Variants in CTNND2 observed in about 807,000 individuals in gnomAD.
CTNND2 encodes catenin delta-2.
Under a neutral mutation model 144.4 loss-of-function variants are expected in CTNND2, and 22 were observed. The observed-to-expected ratio is 0.15, with a 90% confidence interval of 0.11 to 0.22. The LOEUF (loss-of-function observed/expected upper bound fraction) is 0.22. CTNND2 is among the 10% of genes least tolerant of loss of function. The pLI is 1.00. For missense variants in CTNND2, 1,353 were observed against 1,618.8 expected (o/e 0.84, Z 2.82); for synonymous variants, 751 against 695.6 (o/e 1.08, Z -1.25).
intron 1 of CTNND2, among the ~76,000 whole-genome samples, chr5:11,751,535 C>A (rs956965109): frequency 1.3e-5 from 2 of 151,820 alleles, no homozygotes; most frequent in Non-Finnish European, 2.9e-5. Context: ...GCCTCCAGCT[C>A]CATTCATGTT....
intron 3 of CTNND2, among the ~76,000 whole-genome samples, chr5:11,484,304 T>A (rs1052544444): frequency 6.6e-6 from 1 of 152,162 alleles, no homozygotes; most frequent in Admixed American, 6.5e-5. Flanking sequence ...TACGCATAGT[T>A]GAATTTGGCT....
At chr5:11,576,577 G>T (rs1464446737) in intron 2 of CTNND2, among the ~76,000 whole-genome samples, 2 of 151,820 alleles carry the variant, frequency 1.3e-5, no homozygotes, top group Non-Finnish European at 2.9e-5. Context: ...AGCATCAGTA[G>T]ATACTTGATT....
chr5:11,724,350 A>G (rs1467828855), intron 2 of CTNND2, among the ~76,000 whole-genome samples: 2 of 152,120 alleles, frequency 1.3e-5, no homozygotes, highest in African/African-American at 2.4e-5. Flanking sequence ...AGCTCTCAAA[A>G]GTGAGAGGAT....
intron 2 of CTNND2, among the ~76,000 whole-genome samples, chr5:11,581,346 C>T (rs1425467761): frequency 6.6e-6 from 1 of 152,102 alleles, no homozygotes. Context: ...CCTGTGTAAC[C>T]TGCAAATTCT....
At chr5:11,786,893 T>C (rs759264980) in intron 1 of CTNND2, among the ~76,000 whole-genome samples, 6 of 152,084 alleles carry the variant, frequency 3.9e-5, no homozygotes, top group East Asian at 3.9e-4. Context: ...CCGAATAGAG[T>C]TGGGGGACAG....
chr5:11,808,433 C>G (rs888091703), intron 1 of CTNND2, among the ~76,000 whole-genome samples: 5 of 152,190 alleles, frequency 3.3e-5, no homozygotes, highest in African/African-American at 1.2e-4. Context: ...ATTACTTAAA[C>G]TAACCCCAAC....
At chr5:11,815,926 A>T (rs1792608346) in intron 1 of CTNND2, among the ~76,000 whole-genome samples, 1 of 152,208 alleles carries the variant, frequency 6.6e-6, no homozygotes, top group African/African-American at 2.4e-5. Context: ...GTCACTGATA[A>T]GGTCTCCAAG....
intron 9 of CTNND2, among the ~76,000 whole-genome samples, chr5:11,316,646 C>T (rs1751533054): frequency 6.6e-6 from 1 of 151,032 alleles, no homozygotes; most frequent in Admixed American, 6.6e-5. Context: ...CCCCCTTCCC[C>T]CCACCCCACA....
chr5:11,082,555 G>A (rs1749687688), intron 16 of CTNND2, 141 bp downstream of exon 16: 3 of 911,328 alleles, frequency 3.3e-6, no homozygotes. Context: ...AAATCAGAAG[G>A]ACAGCAGAAA....
In CTNND2 at chr5:11,022,758, A is replaced by G. The variant is rs1742407030; in HGVS notation, c.2999+11T>C. The G allele has an allele frequency of 6.2e-7, 1 of 1,609,052 alleles. No individual in the cohort carries two copies. The highest frequency in any genetic ancestry group is 1.3e-5 in the African/African-American group (1 of 74,972). On this transcript the variant is annotated intron_variant, in intron 17 of 21. Transcript: ENST00000304623. ...ACCAGGACAGAGATATGGCGTCACCAGGTAACTTACTTATCTCCTTTGCTT... is the reference window on the plus strand; with the variant it reads ...ACCAGGACAGAGATATGGCGTCACCGGGTAACTTACTTATCTCCTTTGCTT...
chr5:11,870,573 T>C (rs1405783264), intron 1 of CTNND2, among the ~76,000 whole-genome samples: 1 of 152,166 alleles, frequency 6.6e-6, no homozygotes, highest in African/African-American at 2.4e-5. Flanking sequence ...CAATTCCCTA[T>C]AAAAGGAAGT....
chr5:11,719,596 A>G (rs574555710), intron 2 of CTNND2, among the ~76,000 whole-genome samples: 1 of 152,360 alleles, frequency 6.6e-6, no homozygotes, highest in African/African-American at 2.4e-5. Flanking sequence ...AGATTAAAAA[A>G]TAATATGCAA....
Position 11,384,953 on chromosome 5 carries a change from C to T in CTNND2, c.889G>A (p.Gly297Ser), listed in dbSNP as rs1297168621. ...CTGGGCGACTGCTTGGGCGAGGAGC[C>T]GCGCGGCGCGGCGTAGGTGGCGCCC... ...PEGATYAAPRGSSPKQSPSRL... is the reference protein window; with the variant it reads ...PEGATYAAPRSSSPKQSPSRL... Residue 297 changes from glycine to serine, a missense_variant, in exon 7 of 22, where the codon GGC becomes AGC. Transcript: ENST00000304623. This position sits in a 1 kb window ranked among gnomAD's most constrained non-coding sequence, Gnocchi z 5.2. 2 of 1,572,794 alleles carry T rather than the reference C, an allele frequency of 1.3e-6. No homozygotes were observed. Among genetic ancestry groups the T allele is most frequent in the Non-Finnish European group, 1.7e-6 (2 of 1,163,274 alleles).
rs369593946 is a variant in CTNND2 at position 11,495,095 on chromosome 5, G to A, written c.287+69849C>T. Among the ~76,000 whole-genome samples the A allele has an allele frequency of 6.7e-4, 102 of 152,220 alleles. 1 individual carries two copies. Among genetic ancestry groups the A allele is most frequent in the African/African-American group, 2.2e-3 (93 of 41,544 alleles). On this transcript the variant is annotated intron_variant, in intron 3 of 21. Coordinates refer to ENST00000304623, the MANE Select transcript of CTNND2 (RefSeq NM_001332.4). ...TGTTTAAAGAGCAGAAGCCCCTTAC[G>A]AAATCATTTTGCCACAGTGTGGCTA...
At chr5:11,441,722 C>G (rs1393192990) in intron 3 of CTNND2, among the ~76,000 whole-genome samples, 1 of 150,200 alleles carries the variant, frequency 6.7e-6, no homozygotes. Flanking sequence ...GATTAATACC[C>G]TGTCTCACTG....
chr5:11,181,121 C>T (rs1760952692), intron 11 of CTNND2, among the ~76,000 whole-genome samples: 1 of 152,118 alleles, frequency 6.6e-6, no homozygotes, highest in African/African-American at 2.4e-5. Flanking sequence ...GTACCAGGAG[C>T]AGGGTGCAGT....
intron 3 of CTNND2, among the ~76,000 whole-genome samples, chr5:11,509,500 GA>G (rs761092509): frequency 8.6e-4 from 131 of 152,220 alleles, no homozygotes; most frequent in Non-Finnish European, 1.1e-3. Context: ...TGAAAAAAAG[GA>G]AAGTAGGAGG....
At chr5:11,229,795 C>T (rs1488162743) in intron 10 of CTNND2, among the ~76,000 whole-genome samples, 1 of 151,596 alleles carries the variant, frequency 6.6e-6, no homozygotes, top group Non-Finnish European at 1.5e-5. Context: ...TTTTGTATAA[C>T]TGTGTACATA....
chr5:11,769,823 T>A (rs1456068267), intron 1 of CTNND2, among the ~76,000 whole-genome samples: 1 of 152,242 alleles, frequency 6.6e-6, no homozygotes, highest in Non-Finnish European at 1.5e-5. Flanking sequence ...TTCATAAATA[T>A]GTATAATTTT....
Sources: allele counts gnomAD v4.1 joint callset (sites outside exome capture counted in the v4.1 genomes callset), GRCh38; gene constraint gnomAD v4.1.1; non-coding constraint Gnocchi (gnomAD v3.1); transcripts MANE v1.5; gene names NCBI Gene and HGNC (gene_info 2026-07-23, HGNC 2026-07-21).